Variants in AKAP12 observed in about 807,000 individuals in gnomAD.
AKAP12 encodes A-kinase anchoring protein 12.
AKAP12 carries 32 observed loss-of-function variants against 79.9 expected under a neutral mutation model. The observed-to-expected ratio is 0.40, with a 90% CI of 0.30 to 0.54. The LOEUF is 0.54. Among genes scored for constraint, AKAP12 ranks in the 20% least tolerant of loss-of-function variants. The pLI is 0.48. For synonymous variants in AKAP12, 808 were observed against 857.0 expected, an observed-to-expected ratio of 0.94 and a Z score of 1.00; for missense variants, 2,074 against 2,177.0, an observed-to-expected ratio of 0.95 and a Z score of 0.94.
rs1192600412 is a variant in AKAP12 at position 151,350,510 on chromosome 6, A to G, written c.2119A>G (p.Met707Val). The change falls in exon 4 of 5, where the codon ATG becomes GTG. Residue 707 changes from methionine to valine, a missense_variant. Physicochemically the swap from Met to Val is conservative, Grantham distance 21. This residue lies in a region of AKAP12 where 1,428 missense variants were observed against 1,451.0 expected (regional missense o/e 0.98). Coordinates refer to ENST00000402676, the MANE Select transcript of AKAP12 (RefSeq NM_005100.4). The surrounding 1 kb of genome is among the most constrained non-coding windows in gnomAD (Gnocchi z 4.8). ...SSDEEGGPKAMGGDHQKADEA... is the reference protein window; with the variant it reads ...SSDEEGGPKAVGGDHQKADEA... ...TGATGAGGAAGGGGGACCAAAAGCA[A>G]TGGGAGGAGACCACCAGAAAGCTGA... is the stretch of plus-strand genomic sequence containing the variant. The G allele has an allele frequency of 6.2e-7, 1 of 1,614,076 alleles. No individual in the cohort carries two copies. The highest frequency in any genetic ancestry group is 8.5e-7 in the Non-Finnish European group (1 of 1,180,022).
chr6:151,261,553 T>G (rs1211965955), intron 2 of AKAP12, among the ~76,000 whole-genome samples: 1 of 150,810 alleles, frequency 6.6e-6, no homozygotes, highest in African/African-American at 2.4e-5. Flanking sequence ...ATACAAAAAT[T>G]AGCCGAGCAT....
At chr6:151,261,665 C>A (rs984425571) in intron 2 of AKAP12, among the ~76,000 whole-genome samples, 30 of 151,548 alleles carry the variant, frequency 2.0e-4, no homozygotes, top group African/African-American at 6.5e-4. Context: ...CATGCCATTG[C>A]ACTCCAGCCT....
Position 151,240,609 on chromosome 6 carries a change from C to G in AKAP12, c.47C>G (p.Pro16Arg). The change falls in exon 2 of 5, where the codon CCC becomes CGC. Residue 16 changes from proline (P) to arginine (R), a missense_variant. Physicochemically the swap from Pro to Arg is moderately radical, Grantham distance 103. Transcript: ENST00000402676. ...STEQRSPEQPPEGSSTPAEPE... is the reference protein window; with the variant it reads ...STEQRSPEQPREGSSTPAEPE... Reference sequence around the variant, plus strand: ...GAGCAGCGCAGCCCGGAGCAGCCGCCCGAGGGGAGCTCCACGCCGGCTGAG... The same window carrying G: ...GAGCAGCGCAGCCCGGAGCAGCCGCGCGAGGGGAGCTCCACGCCGGCTGAG... The G allele has an allele frequency of 7.1e-7, 1 of 1,408,786 alleles. No homozygotes were observed. The highest frequency in any genetic ancestry group is 9.2e-7 in the Non-Finnish European group (1 of 1,085,304). 87.3% of individuals were successfully genotyped at this position (1,408,786 alleles called of 1,614,324 possible).
Position 151,319,127 on chromosome 6 carries a change from G to A in AKAP12, c.319+13224G>A, listed in dbSNP as rs145779828. 1.3e-3 allele frequency among the ~76,000 whole-genome samples: 191 copies of A among 151,958 alleles called. 2 individuals are homozygous for A. Among genetic ancestry groups the A allele is most frequent in the African/African-American group, 4.4e-3 (181 of 41,418 alleles). On this transcript the variant is annotated intron_variant, in intron 3 of 4. Transcript: ENST00000402676. ...TTGAGTTTTTAATGTTTATTTTCCC[G>A]TTGCTTTTTAAAGTGATTTTAAAAT... is the stretch of plus-strand genomic sequence containing the variant.
In AKAP12 at chr6:151,340,019, C is replaced by T. The variant is rs566693355; in HGVS notation, c.320-8692C>T. On this transcript the variant is annotated intron_variant, in intron 3 of 4. Coordinates refer to ENST00000402676, the MANE Select transcript of AKAP12 (RefSeq NM_005100.4). Reference sequence around the variant, plus strand: ...TCAGCTCACTGCGAGCCCCGTCTCCCGGGTTCAAGCAATTCTCTGCCTCAG... The same window carrying T: ...TCAGCTCACTGCGAGCCCCGTCTCCTGGGTTCAAGCAATTCTCTGCCTCAG... Among the ~76,000 whole-genome samples the T allele has an allele frequency of 1.5e-3, 222 of 152,112 alleles. 3 individuals are homozygous for T. Among genetic ancestry groups the T allele is most frequent in the African/African-American group, 4.4e-3 (184 of 41,518 alleles).
chr6:151,305,913 C>G lies in AKAP12; in HGVS notation c.319+10C>G. 1 of 1,597,374 alleles carries G rather than the reference C, an allele frequency of 6.3e-7. No individual in the cohort carries two copies. The highest frequency in any genetic ancestry group is 8.5e-7 in the Non-Finnish European group (1 of 1,171,792). On this transcript the variant is annotated intron_variant, in intron 3 of 4. Transcript: ENST00000402676. ...GTCATTGTCACAGAGGGTAAGCCGC[C>G]CCTCCAGGAACTGGAAGGCACACAG...
Position 151,352,578 on chromosome 6 carries a change from C to T in AKAP12, c.4187C>T (p.Pro1396Leu), listed in dbSNP as rs370848640. 1.2e-5 allele frequency: 20 copies of T among 1,614,166 alleles called. No homozygotes were observed. In the East Asian group the frequency reaches 2.5e-4, roughly 20 times the overall value. The stretch of plus-strand genomic sequence containing the variant: ...GAAGTCAGCAGTTTGGAAGGAAGCC[C>T]TCCTCCCTGCCTAGGTCAAGAGGAG... ...AKEVSSLEGSPPPCLGQEEAV... is the reference protein window; with the variant it reads ...AKEVSSLEGSLPPCLGQEEAV... Residue 1396 changes from proline to leucine, a missense_variant, in exon 4 of 5, where the codon CCT becomes CTT. Transcript: ENST00000402676.
At chr6:151,344,236 C>T (rs1159592644) in intron 3 of AKAP12, among the ~76,000 whole-genome samples, 1 of 152,068 alleles carries the variant, frequency 6.6e-6, no homozygotes, top group Non-Finnish European at 1.5e-5. Context: ...GTTTTAAATG[C>T]TATCTTAGAT....
intron 3 of AKAP12, among the ~76,000 whole-genome samples, chr6:151,345,911 G>C (rs1778084283): frequency 7.2e-6 from 1 of 138,498 alleles, no homozygotes; most frequent in Admixed American, 7.5e-5. Context: ...GTGTGTGTGT[G>C]TGTGTGTGTG....
In AKAP12 at chr6:151,350,239, G is replaced by C; in HGVS notation, c.1848G>C (p.Met616Ile). Residue 616 changes from methionine to isoleucine, a missense_variant, in exon 4 of 5, where the codon ATG becomes ATC. Physicochemically the swap from Met to Ile is conservative, Grantham distance 10. Transcript: ENST00000402676. This position sits in a 1 kb window ranked among gnomAD's most constrained non-coding sequence, Gnocchi z 4.8. ...CTCCCTGGGCATCATTCAAAAAGAT[G>C]GTGACGCCCAAGAAGCGTGTTAGAC... ...GVTPWASFKKMVTPKKRVRRP... is the reference protein window; with the variant it reads ...GVTPWASFKKIVTPKKRVRRP... 6.2e-7 allele frequency: 1 copy of C among 1,614,030 alleles called. No homozygotes were observed. The highest frequency in any genetic ancestry group is 1.1e-5 in the South Asian group (1 of 91,064).
intron 2 of AKAP12, among the ~76,000 whole-genome samples, chr6:151,275,772 A>C (rs1183034014): frequency 1.3e-5 from 2 of 152,138 alleles, no homozygotes; most frequent in African/African-American, 4.8e-5. Flanking sequence ...CCTTCCATCA[A>C]ATGTATGACT....
chr6:151,342,300 C>A (rs1048783094), intron 3 of AKAP12, among the ~76,000 whole-genome samples: 5 of 152,242 alleles, frequency 3.3e-5, no homozygotes, highest in South Asian at 4.1e-4. Context: ...GGCTTCAATG[C>A]GGGTTCCAAG....
chr6:151,314,141 C>T (rs371018579), intron 3 of AKAP12, among the ~76,000 whole-genome samples: 1 of 151,542 alleles, frequency 6.6e-6, no homozygotes, highest in African/African-American at 2.4e-5. Flanking sequence ...AATTCTCATG[C>T]CTCAGGCTCC....
At chr6:151,305,364 T>G (rs1032706521) in intron 2 of AKAP12, among the ~76,000 whole-genome samples, 3 of 152,242 alleles carry the variant, frequency 2.0e-5, no homozygotes, top group African/African-American at 7.2e-5. Context: ...CATTATTTAT[T>G]ATTTTAAAGT....
intron 3 of AKAP12, among the ~76,000 whole-genome samples, chr6:151,336,092 A>G (rs1054626108): frequency 3.3e-5 from 5 of 152,180 alleles, no homozygotes; most frequent in African/African-American, 1.2e-4. Flanking sequence ...TGCAAAGGAC[A>G]TGATTTCCTT....
chr6:151,349,870 C>A lies in AKAP12; in HGVS notation c.1479C>A (p.Pro493=). The change falls in exon 4 of 5, where the codon CCC becomes CCA. Residue 493 remains proline, a synonymous_variant. Coordinates refer to ENST00000402676, the MANE Select transcript of AKAP12 (RefSeq NM_005100.4). ...SPDEKVLSKP[P]EGVVSEVEML... is the part of the protein sequence containing the mutation. ...ATGAGAAGGTGCTGTCCAAACCCCC[C>A]GAAGGCGTTGTGAGTGAGGTGGAAA... 1 of 1,614,134 alleles carries A rather than the reference C, an allele frequency of 6.2e-7. No homozygotes were observed. Among genetic ancestry groups the A allele is most frequent in the Non-Finnish European group, 8.5e-7 (1 of 1,180,038 alleles).
intron 3 of AKAP12, among the ~76,000 whole-genome samples, chr6:151,335,022 C>G (rs1777777326): frequency 6.6e-6 from 1 of 152,188 alleles, no homozygotes; most frequent in Admixed American, 6.5e-5. Flanking sequence ...CTGCCCTCTT[C>G]TGTCCAAAAC....
chr6:151,323,251 T>C (rs1777442085), intron 3 of AKAP12, among the ~76,000 whole-genome samples: 3 of 152,104 alleles, frequency 2.0e-5, no homozygotes, highest in African/African-American at 7.2e-5. Flanking sequence ...TAATTGCCTC[T>C]TTAAGAATAT....
In AKAP12 at chr6:151,349,275, C is replaced by T; in HGVS notation, c.884C>T (p.Thr295Ile). Residue 295 changes from threonine (T) to isoleucine (I), a missense_variant, in exon 4 of 5, where the codon ACC becomes ATC. Physicochemically the swap from Thr to Ile is moderately conservative, Grantham distance 89. Coordinates refer to ENST00000402676, the MANE Select transcript of AKAP12 (RefSeq NM_005100.4). ...CCCGTGACCAGTGAAACAGGATCAA[C>T]CTTCAAAAAATTCTTCACTCAAGGT... ...TSPVTSETGSTFKKFFTQGWA... is the reference protein window; with the variant it reads ...TSPVTSETGSIFKKFFTQGWA... 2 of 1,613,120 alleles carry T rather than the reference C, an allele frequency of 1.2e-6. No homozygotes were observed. Among genetic ancestry groups the T allele is most frequent in the Non-Finnish European group, 1.7e-6 (2 of 1,179,826 alleles).
Sources: allele counts gnomAD v4.1 joint callset (sites outside exome capture counted in the v4.1 genomes callset), GRCh38; gene constraint gnomAD v4.1.1; regional missense constraint gnomAD v4.1.1; non-coding constraint Gnocchi (gnomAD v3.1); transcripts MANE v1.5; gene names NCBI Gene and HGNC (gene_info 2026-07-23, HGNC 2026-07-21).